The following KIF26B variants were observed in gnomAD, a reference collection of about 807,000 sequenced individuals.
KIF26B encodes kinesin family member 26B.
A neutral mutation model predicts 151.2 loss-of-function variants in KIF26B; 63 were observed. The ratio of observed to expected loss-of-function variants is 0.42; its 90% CI spans 0.34 to 0.51. KIF26B has a LOEUF of 0.51. Ranked by LOEUF, KIF26B falls within the 20% of genes least tolerant of loss-of-function variation. The probability of loss-of-function intolerance (pLI) is 0.07; values close to 1 mark genes in which losing one functional copy is unlikely to be tolerated. For missense variants in KIF26B, 2,813 were observed against 2,913.6 expected (o/e 0.97, Z 0.79); for synonymous variants, 1,357 against 1,262.1 (o/e 1.08, Z -1.59).
At chr1:245,393,408 C>G (rs867196841) in intron 3 of KIF26B, among the ~76,000 whole-genome samples, 4 of 152,116 alleles carry the variant, frequency 2.6e-5, no homozygotes, top group Non-Finnish European at 5.9e-5. Context: ...GGTTTTGTTT[C>G]ATTCTGTTTC....
rs767248512 is a variant in KIF26B at position 245,686,197 on chromosome 1, A to T, written c.3214A>T (p.Ser1072Cys). Reference sequence around the variant, plus strand: ...GGGCTCCCCCCGGCTGGGCATCGCCAGCCTGTCCAAGACCTCGGAGTACAA... The same window carrying T: ...GGGCTCCCCCCGGCTGGGCATCGCCTGCCTGTCCAAGACCTCGGAGTACAA... ...PMGSPRLGIA[S>C]LSKTSEYKPP... The change falls in exon 12 of 15, where the codon AGC becomes TGC. Residue 1072 changes from serine to cysteine, a missense_variant. Coordinates refer to ENST00000407071, the MANE Select transcript of KIF26B (RefSeq NM_018012.4). This position sits in a 1 kb window ranked among gnomAD's most constrained non-coding sequence, Gnocchi z 5.6. 5.0e-6 allele frequency: 8 copies of T among 1,612,344 alleles called. No homozygotes were observed. In the East Asian group the frequency reaches 1.6e-4, roughly 31 times the overall value.
At chr1:245,661,594 T>C (rs566217952) in intron 10 of KIF26B, among the ~76,000 whole-genome samples, 1 of 151,404 alleles carries the variant, frequency 6.6e-6, no homozygotes, top group South Asian at 2.1e-4. Flanking sequence ...CCAATATATA[T>C]ATACACCCAA....
chr1:245,520,321 C>T (rs930599718), intron 4 of KIF26B, among the ~76,000 whole-genome samples: 3 of 152,100 alleles, frequency 2.0e-5, no homozygotes, highest in African/African-American at 7.2e-5. Context: ...TTCAAAAAAC[C>T]CCTCTCCCAG....
intron 2 of KIF26B, among the ~76,000 whole-genome samples, chr1:245,209,801 C>T (rs1000791769): frequency 2.6e-5 from 4 of 152,190 alleles, no homozygotes; most frequent in African/African-American, 9.7e-5. Context: ...GAAACAGGGC[C>T]TGGGGGTCTT....
chr1:245,243,719 C>G (rs1408016947), intron 2 of KIF26B, among the ~76,000 whole-genome samples: 1 of 152,052 alleles, frequency 6.6e-6, no homozygotes, highest in Non-Finnish European at 1.5e-5. Flanking sequence ...GGCATGGTGG[C>G]ACACGCCTGT....
intron 3 of KIF26B, among the ~76,000 whole-genome samples, chr1:245,377,713 G>T (rs1673310409): frequency 6.6e-6 from 1 of 152,290 alleles, no homozygotes; most frequent in African/African-American, 2.4e-5. Context: ...GTACATGCGG[G>T]CTCTTTCCTT....
chr1:245,674,207 C>G (rs76170164), intron 10 of KIF26B, among the ~76,000 whole-genome samples: 1,924 of 152,212 alleles, frequency 0.013, 51 homozygotes, highest in African/African-American at 0.043. Context: ...GGTCACAGAC[C>G]GTTGCAAAGG....
chr1:245,631,086 T>C (rs570551411), intron 9 of KIF26B, among the ~76,000 whole-genome samples: 7 of 152,208 alleles, frequency 4.6e-5, no homozygotes, highest in Non-Finnish European at 8.8e-5. Context: ...ACAATTTGAC[T>C]TTCGCTTTTC....
intron 4 of KIF26B, among the ~76,000 whole-genome samples, chr1:245,422,132 C>G (rs1179261739): frequency 6.6e-6 from 1 of 152,104 alleles, no homozygotes; most frequent in African/African-American, 2.4e-5. Flanking sequence ...CTCCCCAAAT[C>G]TTTACTATTA....
intron 2 of KIF26B, among the ~76,000 whole-genome samples, chr1:245,243,481 T>C (rs552107198): frequency 7.2e-5 from 11 of 151,756 alleles, no homozygotes; most frequent in East Asian, 5.8e-4. Context: ...CATATATATA[T>C]ACACACATAC....
Position 245,686,158 on chromosome 1 carries a change from A to G in KIF26B, c.3175A>G (p.Lys1059Glu). 1 of 1,612,540 alleles carries G rather than the reference A, an allele frequency of 6.2e-7. No homozygotes were observed. The highest frequency in any genetic ancestry group is 8.5e-7 in the Non-Finnish European group (1 of 1,179,842). Residue 1059 changes from lysine (K) to glutamate (E), a missense_variant, in exon 12 of 15, where the codon AAG becomes GAG. Physicochemically the swap from Lys to Glu is moderately conservative, Grantham distance 56. Around this residue, in one of 3 missense-constraint regions of KIF26B, gnomAD observed 2,060 missense variants for 2,088.6 expected, o/e 0.99. Coordinates refer to ENST00000407071, the MANE Select transcript of KIF26B (RefSeq NM_018012.4). This position sits in a 1 kb window ranked among gnomAD's most constrained non-coding sequence, Gnocchi z 5.6. ...SLNSCGFVEG[K>E]PRPMGSPRLG... ...CAACTCCTGCGGCTTCGTGGAAGGCAAGCCCAGGCCCATGGGCTCCCCCCG... is the reference window on the plus strand; with the variant it reads ...CAACTCCTGCGGCTTCGTGGAAGGCGAGCCCAGGCCCATGGGCTCCCCCCG...
chr1:245,607,757 T>C lies in KIF26B; in HGVS notation c.1651+13T>C. 6.2e-7 allele frequency: 1 copy of C among 1,604,282 alleles called. No individual in the cohort carries two copies. Among genetic ancestry groups the C allele is most frequent in the Non-Finnish European group, 8.5e-7 (1 of 1,174,000 alleles). ...CACGCCAAACTGGGTTCGTGAGAGT[T>C]TCACTTTCTCATGCGGCTCGTTGAG... On this transcript the variant is annotated intron_variant, in intron 7 of 14. Transcript: ENST00000407071.
At chr1:245,506,132 C>A (rs1660724400) in intron 4 of KIF26B, among the ~76,000 whole-genome samples, 1 of 152,016 alleles carries the variant, frequency 6.6e-6, no homozygotes. Flanking sequence ...TGGTATTTTC[C>A]TATAAGCGGG....
In KIF26B at chr1:245,559,315, G is replaced by A. The variant is rs373679049; in HGVS notation, c.1350+18365G>A. Among the ~76,000 whole-genome samples the A allele has an allele frequency of 2.3e-4, 35 of 152,200 alleles. No homozygotes were observed. In the East Asian group the frequency reaches 3.3e-3, roughly 14 times the overall value. On this transcript the variant is annotated intron_variant, in intron 5 of 14. Coordinates refer to ENST00000407071, the MANE Select transcript of KIF26B (RefSeq NM_018012.4). Reference sequence around the variant, plus strand: ...GATTGTACCACTGCACTCCAGCTTCGGCCACAGAGTGAGACCCTGTCTCAA... The same window carrying A: ...GATTGTACCACTGCACTCCAGCTTCAGCCACAGAGTGAGACCCTGTCTCAA...
chr1:245,667,570 G>C lies in KIF26B; in HGVS notation c.2259-16663G>C, dbSNP rs529879782. ...AGGGTTGGGAAGCTGGAGACTTCTT[G>C]TGATGGAGAGGTACACCCAGTAGAT... is the stretch of plus-strand genomic sequence containing the variant. On this transcript the variant is annotated intron_variant, in intron 10 of 14. Coordinates refer to ENST00000407071, the MANE Select transcript of KIF26B (RefSeq NM_018012.4). This position sits in a 1 kb window ranked among gnomAD's most constrained non-coding sequence, Gnocchi z 4.3. Among the ~76,000 whole-genome samples the C allele has an allele frequency of 6.6e-6, 1 of 152,314 alleles. No homozygotes were observed. Among genetic ancestry groups the C allele is most frequent in the Non-Finnish European group, 1.5e-5 (1 of 68,026 alleles).
chr1:245,507,380 C>CA (rs1283636047), intron 4 of KIF26B, among the ~76,000 whole-genome samples: 1 of 152,228 alleles, frequency 6.6e-6, no homozygotes, highest in Non-Finnish European at 1.5e-5. Context: ...CACAGGCCAA[C>CA]AAAGCCTTGG....
chr1:245,256,504 G>A (rs952766320), intron 2 of KIF26B, among the ~76,000 whole-genome samples: 1 of 152,230 alleles, frequency 6.6e-6, no homozygotes, highest in Non-Finnish European at 1.5e-5. Context: ...CCCCTGGCCA[G>A]TGCTGCTCAG....
chr1:245,437,688 A>G (rs957675553), intron 4 of KIF26B, among the ~76,000 whole-genome samples: 9 of 152,214 alleles, frequency 5.9e-5, no homozygotes, highest in African/African-American at 1.9e-4. Context: ...GAAAAGTCCT[A>G]ACTTAAGTCC....
At chr1:245,460,927 A>G (rs1392664365) in intron 4 of KIF26B, among the ~76,000 whole-genome samples, 1 of 152,240 alleles carries the variant, frequency 6.6e-6, no homozygotes, top group Non-Finnish European at 1.5e-5. Context: ...TCTGCCTGAT[A>G]TGCAAATAGT....
Sources: allele counts gnomAD v4.1 joint callset (sites outside exome capture counted in the v4.1 genomes callset), GRCh38; gene constraint gnomAD v4.1.1; regional missense constraint gnomAD v4.1.1; non-coding constraint Gnocchi (gnomAD v3.1); transcripts MANE v1.5; gene names NCBI Gene and HGNC (gene_info 2026-07-23, HGNC 2026-07-21).